The following BANK1 variants were observed in gnomAD, a reference collection of about 807,000 sequenced individuals.
The protein encoded by BANK1 is B cell scaffold protein with ankyrin repeats 1, also known as B-cell scaffold protein with ankyrin repeats.
Under a neutral mutation model 94.5 loss-of-function variants are expected in BANK1, and 95 were observed. That is an observed-to-expected ratio of 1.00 (90% CI 0.85 to 1.19). The LOEUF is 1.19. BANK1 is among the 50% of genes most tolerant of loss of function. The pLI is 0.00. For missense variants in BANK1, 987 were observed against 932.2 expected, an observed-to-expected ratio of 1.06 and a Z score of -0.77; for synonymous variants, 334 against 308.4, an observed-to-expected ratio of 1.08 and a Z score of -0.87.
intron 2 of BANK1, among the ~76,000 whole-genome samples, chr4:101,849,783 C>G (rs900630979): frequency 2.6e-5 from 4 of 152,074 alleles, no homozygotes; most frequent in Admixed American, 2.6e-4. Flanking sequence ...ATTTTCTACC[C>G]AAGGGCCGGA....
Position 102,021,229 on chromosome 4 carries a change from CTTT to C in BANK1, c.1207-284_1207-282del, listed in dbSNP as rs76205354. 5.0e-3 allele frequency among the ~76,000 whole-genome samples: 756 copies of C among 152,132 alleles called. 13 individuals carry two copies. The East Asian group carries it at 0.059, about 12-fold the overall frequency. ...TTGTGTTCAATTTTATTCAGAACTT[CTTT>C]ATTACACTTAAACTTAACGATTATT... is the stretch of plus-strand genomic sequence containing the variant. On this transcript the variant is annotated intron_variant, in intron 7 of 16. Coordinates refer to ENST00000322953, the MANE Select transcript of BANK1 (RefSeq NM_017935.5).
chr4:101,953,105 A>G (rs1724228830), intron 7 of BANK1, among the ~76,000 whole-genome samples: 2 of 152,144 alleles, frequency 1.3e-5, no homozygotes, highest in South Asian at 2.1e-4. Flanking sequence ...TCTTACACCA[A>G]GGCTGAGATG....
At chr4:102,043,808 C>T in intron 10 of BANK1, 31 bp from the exon 11 acceptor site, 1 of 1,450,884 alleles carries the variant, frequency 6.9e-7, no homozygotes. Flanking sequence ...CGTTTATGTT[C>T]AGTAAATAAT....
At chr4:101,867,947 C>A (rs534719791) in intron 4 of BANK1, among the ~76,000 whole-genome samples, 1 of 151,290 alleles carries the variant, frequency 6.6e-6, no homozygotes, top group African/African-American at 2.4e-5. Context: ...AACCCAACCA[C>A]GTTAGTGAAG....
intron 7 of BANK1, among the ~76,000 whole-genome samples, chr4:101,969,236 CT>C (rs938434218): frequency 1.3e-5 from 2 of 151,818 alleles, no homozygotes; most frequent in African/African-American, 4.8e-5. Context: ...AAGCAAAGAT[CT>C]TTTTTTTAAA....
intron 7 of BANK1, among the ~76,000 whole-genome samples, chr4:102,015,745 T>C (rs1726676783): frequency 6.6e-6 from 1 of 152,178 alleles, no homozygotes; most frequent in African/African-American, 2.4e-5. Context: ...TCATACTCTC[T>C]CCTGGTTATT....
chr4:101,840,827 G>T (rs1385776284), intron 2 of BANK1, among the ~76,000 whole-genome samples: 2 of 151,966 alleles, frequency 1.3e-5, no homozygotes, highest in Non-Finnish European at 2.9e-5. Context: ...CTAGGTTAGG[G>T]TCTCCCCCAC....
intron 10 of BANK1, among the ~76,000 whole-genome samples, chr4:102,041,512 G>A (rs1727700504): frequency 6.6e-6 from 1 of 152,034 alleles, no homozygotes; most frequent in South Asian, 2.1e-4. Flanking sequence ...TTTAGAAAGT[G>A]AGACTCATCT....
At chr4:101,914,565 A>G (rs921848062) in intron 6 of BANK1, among the ~76,000 whole-genome samples, 3 of 152,164 alleles carry the variant, frequency 2.0e-5, no homozygotes, top group African/African-American at 4.8e-5. Context: ...GAATAAGTCA[A>G]TGCTGAACCT....
Position 101,855,071 on chromosome 4 carries a change from A to T in BANK1, c.506A>T (p.Asp169Val). The T allele has an allele frequency of 4.3e-6, 7 of 1,613,202 alleles. No homozygotes were observed. Among genetic ancestry groups the T allele is most frequent in the African/African-American group, 4.0e-5 (3 of 74,994 alleles). The change falls in exon 3 of 17, where the codon GAC becomes GTC. Residue 169 changes from aspartate (D) to valine (V), a missense_variant. Coordinates refer to ENST00000322953, the MANE Select transcript of BANK1 (RefSeq NM_017935.5). ...EDYFEVNIPT[D>V]LRAKHSGEIS... ...TACTTTGAGGTCAACATTCCAACAG[A>T]CCTACGAGCAAAACATTCTGGGGAA... is the stretch of plus-strand genomic sequence containing the variant.
intron 11 of BANK1, among the ~76,000 whole-genome samples, chr4:102,045,676 T>C (rs1727854938): frequency 6.6e-6 from 1 of 151,470 alleles, no homozygotes; most frequent in Non-Finnish European, 1.5e-5. Flanking sequence ...AAATCATGAG[T>C]GAACTCCCAT....
At chr4:101,820,821 G>A (rs959441491) in intron 1 of BANK1, among the ~76,000 whole-genome samples, 1 of 152,172 alleles carries the variant, frequency 6.6e-6, no homozygotes, top group Admixed American at 6.5e-5. Flanking sequence ...TTTTATGGGT[G>A]CATAGTATTC....
At chr4:101,847,577 G>C (rs1727296186) in intron 2 of BANK1, among the ~76,000 whole-genome samples, 1 of 151,914 alleles carries the variant, frequency 6.6e-6, no homozygotes, top group African/African-American at 2.4e-5. Flanking sequence ...TTATGCCTTT[G>C]TCTCCTCGCA....
intron 2 of BANK1, among the ~76,000 whole-genome samples, chr4:101,835,235 C>T (rs1224393661): frequency 2.0e-5 from 3 of 152,200 alleles, no homozygotes; most frequent in African/African-American, 7.2e-5. Flanking sequence ...ATAAAATCAA[C>T]TGCCGTTTCT....
At chr4:101,952,331 A>G (rs973304204) in intron 7 of BANK1, among the ~76,000 whole-genome samples, 1 of 152,172 alleles carries the variant, frequency 6.6e-6, no homozygotes, top group Non-Finnish European at 1.5e-5. Context: ...AACTTATTGT[A>G]AATCAAATCT....
chr4:101,798,805 G>A (rs576052164), intron 1 of BANK1, among the ~76,000 whole-genome samples: 64 of 152,288 alleles, frequency 4.2e-4, no homozygotes, highest in African/African-American at 1.4e-3. Flanking sequence ...TTTTGATGGG[G>A]TTGTTTGATT....
intron 11 of BANK1, among the ~76,000 whole-genome samples, chr4:102,057,956 A>G (rs1001567002): frequency 2.6e-5 from 4 of 152,196 alleles, no homozygotes; most frequent in Non-Finnish European, 5.9e-5. Flanking sequence ...TATTATATAT[A>G]CAACTTTGAT....
chr4:102,052,128 T>C (rs1401164504), intron 11 of BANK1, among the ~76,000 whole-genome samples: 1 of 93,496 alleles, frequency 1.1e-5, no homozygotes, highest in South Asian at 3.4e-4. Context: ...TTTTTTTTTT[T>C]TTTTTTTTGA....
In BANK1 at chr4:101,790,854, G is replaced by T; in HGVS notation, c.-27G>T. On this transcript the variant is annotated 5_prime_UTR_variant, in exon 1 of 17. Transcript: ENST00000322953. ...GGTAGCGCTCGGCGGGCAGCAGTGC[G>T]CAGGCCCCTCGGCTTCAACCGCCAC... 6.5e-7 allele frequency: 1 copy of T among 1,534,888 alleles called. No homozygotes were observed.
Sources: gnomAD v4.1 joint callset for allele counts (sites outside exome capture counted in the v4.1 genomes callset) on GRCh38, gnomAD v4.1.1 for gene constraint, MANE v1.5 for transcripts, NCBI Gene and HGNC (gene_info 2026-07-23, HGNC 2026-07-21) for gene names.